RORB: variants seen among roughly 807,000 people sequenced by gnomAD.
RORB encodes nuclear receptor ROR-beta.
In RORB, 6 loss-of-function variants were observed where a neutral mutation model predicts 59.1. That is an observed-to-expected ratio of 0.10 (90% CI 0.06 to 0.20). The LOEUF is 0.20. RORB is among the 10% of genes least tolerant of loss of function. The pLI is 1.00. For synonymous variants in RORB, 215 were observed against 204.5 expected (o/e 1.05, Z -0.44); for missense variants, 320 against 560.5 (o/e 0.57, Z 4.33).
intron 4 of RORB, among the ~76,000 whole-genome samples, chr9:74,643,756 C>A (rs1320259853): frequency 6.6e-6 from 1 of 152,166 alleles, no homozygotes; most frequent in Non-Finnish European, 1.5e-5. Context: ...AGCTCAGGAA[C>A]CTTCAAGGGC....
At chr9:74,680,948 C>G (rs2118572260) in intron 9 of RORB, among the ~76,000 whole-genome samples, 1 of 152,256 alleles carries the variant, frequency 6.6e-6, no homozygotes, top group South Asian at 2.1e-4. Context: ...CGGAGAGAAG[C>G]ATAGGATTAT....
intron 1 of RORB, among the ~76,000 whole-genome samples, chr9:74,563,366 A>T (rs1045034836): frequency 1.3e-5 from 2 of 151,964 alleles, no homozygotes. Context: ...TTGTATTTTT[A>T]GAAGAGATGG....
intron 1 of RORB, among the ~76,000 whole-genome samples, chr9:74,628,057 A>G (rs529087006): frequency 6.6e-6 from 1 of 152,166 alleles, no homozygotes; most frequent in East Asian, 1.9e-4. Context: ...TTTGTCAGTT[A>G]AGCTTTATAA....
At chr9:74,633,687 A>C (rs985014649) in intron 2 of RORB, among the ~76,000 whole-genome samples, 4 of 152,134 alleles carry the variant, frequency 2.6e-5, no homozygotes, top group Non-Finnish European at 5.9e-5. Context: ...AAATCTTTTA[A>C]AAATCAACTC....
intron 1 of RORB, among the ~76,000 whole-genome samples, chr9:74,548,523 G>C (rs1348485646): frequency 6.6e-6 from 1 of 152,118 alleles, no homozygotes; most frequent in African/African-American, 2.4e-5. Flanking sequence ...TCTTTTTAGT[G>C]TTTCTTATTT....
At chr9:74,679,664 T>A (rs1487572782) in intron 9 of RORB, among the ~76,000 whole-genome samples, 1 of 152,208 alleles carries the variant, frequency 6.6e-6, no homozygotes, top group Non-Finnish European at 1.5e-5. Context: ...AGAAGCTAGA[T>A]TATTTCAATG....
chr9:74,598,148 G>T (rs561050416), intron 1 of RORB, among the ~76,000 whole-genome samples: 1 of 151,990 alleles, frequency 6.6e-6, no homozygotes, highest in Admixed American at 6.6e-5. Flanking sequence ...TCTGCAACTC[G>T]AACTCACTCT....
At chr9:74,652,988 T>C (rs1343289001) in intron 4 of RORB, among the ~76,000 whole-genome samples, 2 of 152,222 alleles carry the variant, frequency 1.3e-5, no homozygotes, top group Admixed American at 1.3e-4. Flanking sequence ...CTAAAAATAA[T>C]GATCTCTAAA....
At chr9:74,633,913 C>T (rs1823659216) in intron 2 of RORB, among the ~76,000 whole-genome samples, 1 of 151,818 alleles carries the variant, frequency 6.6e-6, no homozygotes, top group African/African-American at 2.4e-5. Flanking sequence ...TTAAAAACAA[C>T]TTTCCAGACC....
At chr9:74,657,078 GCT>G (rs1279348181) in intron 4 of RORB, among the ~76,000 whole-genome samples, 1 of 152,018 alleles carries the variant, frequency 6.6e-6, no homozygotes, top group Non-Finnish European at 1.5e-5. Context: ...ACGGAGTCAC[GCT>G]CTGTCACCAG....
At chr9:74,613,062 G>A (rs1823256390) in intron 1 of RORB, among the ~76,000 whole-genome samples, 1 of 152,076 alleles carries the variant, frequency 6.6e-6, no homozygotes, top group Non-Finnish European at 1.5e-5. Flanking sequence ...AATTACTTAT[G>A]AATTAATTAA....
intron 1 of RORB, among the ~76,000 whole-genome samples, chr9:74,588,363 CAT>C (rs1462602015): frequency 1.4e-4 from 21 of 152,152 alleles, no homozygotes; most frequent in African/African-American, 3.9e-4. Flanking sequence ...GTTCAGTAAA[CAT>C]ATGGATATAC....
chr9:74,627,606 A>G (rs1823540989), intron 1 of RORB, among the ~76,000 whole-genome samples: 1 of 152,174 alleles, frequency 6.6e-6, no homozygotes, highest in Non-Finnish European at 1.5e-5. Context: ...CTTTAAAGTT[A>G]GATCATTTTA....
At chr9:74,577,564 G>GAT (rs1487228468) in intron 1 of RORB, among the ~76,000 whole-genome samples, 1 of 152,082 alleles carries the variant, frequency 6.6e-6, no homozygotes, top group African/African-American at 2.4e-5. Context: ...CAAGGTGAAT[G>GAT]ATAGATGGCT....
chr9:74,611,394 C>G (rs996278084), intron 1 of RORB, among the ~76,000 whole-genome samples: 3 of 152,162 alleles, frequency 2.0e-5, no homozygotes, highest in African/African-American at 4.8e-5. Flanking sequence ...CTTCCTTGTT[C>G]CTACACTTAG....
At chr9:74,498,371 T>C in intron 1 of RORB, 1 of 175,938 alleles carries the variant, frequency 5.7e-6, no homozygotes. Context: ...CGCGCAGTGG[T>C]CGCCGGCCGG....
At chr9:74,605,522 T>C (rs971319522) in intron 1 of RORB, among the ~76,000 whole-genome samples, 3 of 152,202 alleles carry the variant, frequency 2.0e-5, no homozygotes, top group African/African-American at 7.2e-5. Flanking sequence ...CCGGTGTCTG[T>C]CTGCTCCTTA....
intron 1 of RORB, among the ~76,000 whole-genome samples, chr9:74,573,246 A>G (rs1464107242): frequency 6.6e-6 from 1 of 152,058 alleles, no homozygotes; most frequent in African/African-American, 2.4e-5. Flanking sequence ...TTCACACATG[A>G]TCTGTAGCTG....
intron 1 of RORB, among the ~76,000 whole-genome samples, chr9:74,627,032 C>T (rs189368032): frequency 6.6e-6 from 1 of 151,910 alleles, no homozygotes; most frequent in African/African-American, 2.4e-5. Flanking sequence ...CATGGTGGCA[C>T]ACACCGGTAG....
Sources: allele counts gnomAD v4.1 joint callset (sites outside exome capture counted in the v4.1 genomes callset), GRCh38; gene constraint gnomAD v4.1.1; transcripts MANE v1.5; gene names NCBI Gene and HGNC (gene_info 2026-07-23, HGNC 2026-07-21).